The following CAMTA1 variants were observed in gnomAD, a reference collection of about 807,000 sequenced individuals.
CAMTA1 encodes the protein calmodulin binding transcription activator 1.
Under a neutral mutation model 170.9 loss-of-function variants are expected in CAMTA1, and 27 were observed. That is an observed-to-expected ratio of 0.16 (90% CI 0.12 to 0.22). The LOEUF is 0.22. CAMTA1 is among the 10% of genes least tolerant of loss of function. The probability of loss-of-function intolerance (pLI) is 1.00; values close to 1 mark genes in which losing one functional copy is unlikely to be tolerated. For synonymous variants in CAMTA1, 833 were observed against 891.5 expected, an observed-to-expected ratio of 0.93 and a Z score of 1.17; for missense variants, 1,619 against 2,217.2, an observed-to-expected ratio of 0.73 and a Z score of 5.42.
chr1:7,573,226 C>G (rs2095146076), intron 6 of CAMTA1, among the ~76,000 whole-genome samples: 1 of 152,178 alleles, frequency 6.6e-6, no homozygotes, highest in South Asian at 2.1e-4. Flanking sequence ...CAGGGCCCTG[C>G]TCCCCAGAAC....
In CAMTA1 at chr1:7,443,050, C is replaced by T. The variant is rs547225195; in HGVS notation, c.439-24780C>T. On this transcript the variant is annotated intron_variant, in intron 5 of 22. Transcript: ENST00000303635. The surrounding 1 kb of genome is among the most constrained non-coding windows in gnomAD (Gnocchi z 4.1). ...TGCCTGTGGTCTCTCCTTGCCCCTG[C>T]GCAGATCCTCCTCCTGACTTCTTGG... 1.6e-4 allele frequency among the ~76,000 whole-genome samples: 24 copies of T among 151,684 alleles called. No homozygotes were observed. The highest frequency in any genetic ancestry group is 4.8e-4 in the African/African-American group (20 of 41,522).
chr1:6,869,330 T>A lies in CAMTA1; in HGVS notation c.234+44120T>A, dbSNP rs527880781. Among the ~76,000 whole-genome samples, 141 of 152,336 alleles carry A rather than the reference T, an allele frequency of 9.3e-4. 1 individual carries two copies. The highest frequency in any genetic ancestry group is 1.6e-3 in the Non-Finnish European group (107 of 68,028). Reference sequence around the variant, plus strand: ...GCCAGCCCTTGATGGGGAGAGAAGCTACTCAGGCCCAATAACCTCAAATAG... The same window carrying A: ...GCCAGCCCTTGATGGGGAGAGAAGCAACTCAGGCCCAATAACCTCAAATAG... On this transcript the variant is annotated intron_variant, in intron 3 of 22. Transcript: ENST00000303635.
At chr1:7,011,624 A>G (rs900411324) in intron 3 of CAMTA1, among the ~76,000 whole-genome samples, 1 of 152,114 alleles carries the variant, frequency 6.6e-6, no homozygotes, top group African/African-American at 2.4e-5. Context: ...TCCCCGTCCC[A>G]GTTCCCAGCT....
chr1:7,618,479 T>C (rs1209879000), intron 6 of CAMTA1, among the ~76,000 whole-genome samples: 1 of 152,242 alleles, frequency 6.6e-6, no homozygotes, highest in African/African-American at 2.4e-5. Context: ...TCTCCCTGGC[T>C]TGGGGCCTCT....
chr1:7,667,655 CA>C (rs2096013256), intron 9 of CAMTA1, among the ~76,000 whole-genome samples: 1 of 152,146 alleles, frequency 6.6e-6, no homozygotes. Flanking sequence ...GCGAGTGGGA[CA>C]TTAGCAGGCC....
intron 5 of CAMTA1, among the ~76,000 whole-genome samples, chr1:7,288,243 A>G (rs1279159209): frequency 6.6e-6 from 1 of 152,214 alleles, no homozygotes; most frequent in Non-Finnish European, 1.5e-5. Flanking sequence ...ATGAGAATAC[A>G]CGGCACAGTT....
chr1:7,725,424 G>T (rs895645124), intron 11 of CAMTA1, among the ~76,000 whole-genome samples: 1 of 152,218 alleles, frequency 6.6e-6, no homozygotes, highest in Non-Finnish European at 1.5e-5. Context: ...AATCGTTTTC[G>T]AGTATCGCCT....
chr1:7,407,823 T>C (rs2090409508), intron 5 of CAMTA1, among the ~76,000 whole-genome samples: 1 of 151,934 alleles, frequency 6.6e-6, no homozygotes, highest in South Asian at 2.1e-4. Context: ...TCGCAGGGCA[T>C]TGGGGGCCTG....
chr1:7,531,420 C>G (rs2094491395), intron 6 of CAMTA1, among the ~76,000 whole-genome samples: 1 of 152,180 alleles, frequency 6.6e-6, no homozygotes, highest in Admixed American at 6.5e-5. Flanking sequence ...CTGCTGAGTG[C>G]TTTGCCAGGC....
intron 3 of CAMTA1, among the ~76,000 whole-genome samples, chr1:6,828,286 C>CTTTTTTTTTTT: frequency 2.9e-5 from 2 of 69,714 alleles, no homozygotes; most frequent in Non-Finnish European, 5.0e-5. Context: ...TCATTCCATC[C>CTTTTTTTTTTT]TTTTTTTTTT....
chr1:6,817,442 C>T (rs1570404578), intron 1 of CAMTA1, among the ~76,000 whole-genome samples: 3 of 152,250 alleles, frequency 2.0e-5, no homozygotes, highest in African/African-American at 7.2e-5. Flanking sequence ...AAGAAGTCAG[C>T]GTGCTGCTGA....
At chr1:7,349,334 C>T (rs576024696) in intron 5 of CAMTA1, among the ~76,000 whole-genome samples, 48 of 152,260 alleles carry the variant, frequency 3.2e-4, no homozygotes, top group African/African-American at 1.1e-3. Context: ...ACCTTATGAG[C>T]GCACAGAGCC....
At chr1:7,676,157 C>T (rs776664271) in intron 10 of CAMTA1, among the ~76,000 whole-genome samples, 2 of 152,230 alleles carry the variant, frequency 1.3e-5, no homozygotes, top group Admixed American at 6.5e-5. Flanking sequence ...AGGCCAATCT[C>T]CAGGGCAGGC....
intron 3 of CAMTA1, among the ~76,000 whole-genome samples, chr1:6,917,795 G>T (rs1310092778): frequency 1.3e-5 from 2 of 148,560 alleles, no homozygotes; most frequent in South Asian, 2.2e-4. Context: ...TGGGGGAGGG[G>T]GCCCCGAGAA....
intron 5 of CAMTA1, among the ~76,000 whole-genome samples, chr1:7,365,278 A>C (rs1242403873): frequency 6.6e-6 from 1 of 152,254 alleles, no homozygotes; most frequent in Admixed American, 6.5e-5. Flanking sequence ...CCATTCAGGC[A>C]TCAGAAAATC....
At chr1:7,556,365 G>T (rs966135607) in intron 6 of CAMTA1, among the ~76,000 whole-genome samples, 4 of 152,148 alleles carry the variant, frequency 2.6e-5, no homozygotes, top group African/African-American at 9.7e-5. Context: ...AGTCCCTCCA[G>T]GTTCAGCAAG....
At chr1:6,902,017 C>T (rs1677047031) in intron 3 of CAMTA1, among the ~76,000 whole-genome samples, 1 of 143,534 alleles carries the variant, frequency 7.0e-6, no homozygotes, top group African/African-American at 2.7e-5. Flanking sequence ...TGCACTTCAG[C>T]CCGAATGACA....
intron 6 of CAMTA1, among the ~76,000 whole-genome samples, chr1:7,603,214 C>T (rs1299709775): frequency 5.3e-5 from 8 of 152,188 alleles, no homozygotes; most frequent in Non-Finnish European, 8.8e-5. Context: ...TGGTGCAGAG[C>T]TGAGTTCAGT....
chr1:6,810,351 C>A (rs993470472), intron 1 of CAMTA1, among the ~76,000 whole-genome samples: 2 of 152,176 alleles, frequency 1.3e-5, no homozygotes, highest in African/African-American at 4.8e-5. Context: ...CAATTCCTGC[C>A]CCAGGGGCCT....
Sources: allele counts gnomAD v4.1 joint callset (sites outside exome capture counted in the v4.1 genomes callset), GRCh38; gene constraint gnomAD v4.1.1; non-coding constraint Gnocchi (gnomAD v3.1); transcripts MANE v1.5; gene names NCBI Gene and HGNC (gene_info 2026-07-23, HGNC 2026-07-21).